The following SCP2 variants were observed in gnomAD, a reference collection of about 807,000 sequenced individuals.
The protein encoded by SCP2 is SCP-2/3-oxoacyl-CoA thiolase.
A neutral mutation model predicts 71.4 loss-of-function variants in SCP2; 48 were observed. That is an observed-to-expected ratio of 0.67 (90% CI 0.53 to 0.86). The LOEUF (loss-of-function observed/expected upper bound fraction) is 0.86, where lower values mean the gene tolerates loss of function less well. Ranked by LOEUF, SCP2 falls within the 40% of genes least tolerant of loss-of-function variation. The probability of loss-of-function intolerance (pLI) is 0.00; values close to 1 mark genes in which losing one functional copy is unlikely to be tolerated. For missense variants in SCP2, 560 were observed against 655.6 expected, an observed-to-expected ratio of 0.85 and a Z score of 1.59; for synonymous variants, 220 against 218.1, an observed-to-expected ratio of 1.01 and a Z score of -0.08.
intron 1 of SCP2, among the ~76,000 whole-genome samples, chr1:52,934,535 A>T (rs60861452): frequency 0.017 from 2,585 of 147,802 alleles, 80 homozygotes; most frequent in African/African-American, 0.06. Flanking sequence ...ATATTTTATT[A>T]TAACAGAGTA....
At chr1:53,037,917 CACACA>C (rs1266501701) in intron 13 of SCP2, among the ~76,000 whole-genome samples, 10 of 117,274 alleles carry the variant, frequency 8.5e-5, no homozygotes, top group South Asian at 6.0e-4. Context: ...CACACACACA[CACACA>C]CACACACAGA....
intron 1 of SCP2, among the ~76,000 whole-genome samples, chr1:52,937,740 C>G (rs1653864383): frequency 6.6e-6 from 1 of 152,188 alleles, no homozygotes; most frequent in South Asian, 2.1e-4. Flanking sequence ...AATACTGATG[C>G]CAGCAAGCCC....
At position 53,050,823 on chromosome 1, in the gene SCP2, G is replaced by A. The variant is rs1572244887; in HGVS notation, c.*119G>A. ...TTGGCAAATAGCGTGGGATAGATTT[G>A]TTTCTTAATGGGTGTGACCAATCCT... On this transcript the variant is annotated 3_prime_UTR_variant, in exon 16 of 16. Coordinates refer to ENST00000371514, the MANE Select transcript of SCP2 (RefSeq NM_002979.5). 7.8e-6 allele frequency: 6 copies of A among 767,982 alleles called. No homozygotes were observed. Among genetic ancestry groups the A allele is most frequent in the East Asian group, 5.1e-5 (2 of 38,918 alleles). The allele number at this position is 767,982 out of a possible 1,614,324, so 47.6% of individuals were successfully genotyped here.
intron 5 of SCP2, among the ~76,000 whole-genome samples, chr1:52,960,944 G>A (rs1656372114): frequency 6.6e-6 from 1 of 151,386 alleles, no homozygotes; most frequent in African/African-American, 2.4e-5. Context: ...GTAGAGATAG[G>A]GTTCACCATG....
At chr1:52,997,178 A>C (rs546080118) in intron 11 of SCP2, among the ~76,000 whole-genome samples, 2 of 152,184 alleles carry the variant, frequency 1.3e-5, no homozygotes, top group East Asian at 3.9e-4. Flanking sequence ...TTATTTTTTT[A>C]GATTTTTTTC....
At chr1:52,955,033 T>C (rs1324636699) in intron 5 of SCP2, among the ~76,000 whole-genome samples, 1 of 151,938 alleles carries the variant, frequency 6.6e-6, no homozygotes, top group Non-Finnish European at 1.5e-5. Context: ...ATTCATTTAT[T>C]CATTTTTTTG....
intron 11 of SCP2, chr1:52,993,193 A>G (rs1572155962): frequency 6.2e-7 from 1 of 1,613,812 alleles, no homozygotes; most frequent in African/African-American, 1.3e-5. Flanking sequence ...AACTGAAGGG[A>G]TTCTAGAAAA....
At chr1:52,928,230 G>A (rs1406701284) in intron 1 of SCP2, among the ~76,000 whole-genome samples, 1 of 152,202 alleles carries the variant, frequency 6.6e-6, no homozygotes, top group Non-Finnish European at 1.5e-5. Context: ...GGCAGTACCG[G>A]GCAGTACTAA....
Position 53,008,704 on chromosome 1 carries a change from C to T in SCP2, c.1082-6186C>T, listed in dbSNP as rs555199550. Among the ~76,000 whole-genome samples, 67 of 152,318 alleles carry T rather than the reference C, an allele frequency of 4.4e-4. No homozygotes were observed. In the East Asian group the frequency reaches 0.011, roughly 26 times the overall value. ...AATGGGCCAAAACTGGAAGCATTCC[C>T]TTTGCAAACTGGCACAAGACAGGAA... On this transcript the variant is annotated intron_variant, in intron 11 of 15. Coordinates refer to ENST00000371514, the MANE Select transcript of SCP2 (RefSeq NM_002979.5).
At chr1:52,934,532 A>G (rs1158645272) in intron 1 of SCP2, among the ~76,000 whole-genome samples, 2 of 138,450 alleles carry the variant, frequency 1.4e-5, no homozygotes, top group African/African-American at 2.7e-5. Context: ...ACAATATTTT[A>G]TTATAACAGA....
At chr1:53,037,881 C>T (rs1663077458) in intron 13 of SCP2, among the ~76,000 whole-genome samples, 2 of 43,068 alleles carry the variant, frequency 4.6e-5, no homozygotes, top group South Asian at 1.7e-3. Context: ...TCTCTACATA[C>T]ACACACACAC....
At chr1:53,039,097 C>T in intron 14 of SCP2, 51 bp downstream of exon 14, 6 of 1,609,556 alleles carry the variant, frequency 3.7e-6, no homozygotes, top group Non-Finnish European at 5.1e-6. Flanking sequence ...TTTACGAAGG[C>T]TGTCAGCTGG....
At chr1:53,042,141 G>A (rs1663480305) in intron 14 of SCP2, among the ~76,000 whole-genome samples, 1 of 151,934 alleles carries the variant, frequency 6.6e-6, no homozygotes, top group South Asian at 2.1e-4. Context: ...AAATGAATGG[G>A]AAAAAAATGG....
intron 6 of SCP2, among the ~76,000 whole-genome samples, chr1:52,965,467 G>A (rs1349993653): frequency 1.3e-5 from 2 of 152,074 alleles, no homozygotes; most frequent in African/African-American, 4.8e-5. Context: ...TGTCTTTCAG[G>A]AGTGTTTTAA....
chr1:52,974,702 T>C (rs1050970902), intron 6 of SCP2, 67 bp from the exon 7 acceptor site: 87 of 819,698 alleles, frequency 1.1e-4, no homozygotes, highest in Non-Finnish European at 1.7e-4. Flanking sequence ...CTGAGTACCA[T>C]TGCAAGATTT....
chr1:52,978,370 A>G lies in SCP2; in HGVS notation c.825+3A>G, dbSNP rs2150170273. ...AAGAAAAAAGCATTATTAAAATGGT[A>G]TGTCTGAGATTCTATTTGTTATTTT... On this transcript the variant is annotated splice_donor_region_variant and intron_variant, in intron 9 of 15. Transcript: ENST00000371514. 3 of 1,609,434 alleles carry G rather than the reference A, an allele frequency of 1.9e-6. No homozygotes were observed. Among genetic ancestry groups the G allele is most frequent in the Non-Finnish European group, 2.6e-6 (3 of 1,175,790 alleles).
intron 11 of SCP2, among the ~76,000 whole-genome samples, chr1:52,997,474 A>G (rs1572163701): frequency 6.6e-6 from 1 of 152,342 alleles, no homozygotes; most frequent in East Asian, 1.9e-4. Flanking sequence ...TATTTATACT[A>G]TGGAATATTT....
chr1:53,035,121 A>AAG (rs1662837392), intron 13 of SCP2, among the ~76,000 whole-genome samples: 1 of 152,012 alleles, frequency 6.6e-6, no homozygotes, highest in Admixed American at 6.6e-5. Context: ...AAAAAAAAAA[A>AAG]ATTAATATGA....
chr1:52,993,916 CCTATA>C (rs1659734450), intron 11 of SCP2: 2 of 1,397,940 alleles, frequency 1.4e-6, no homozygotes, highest in African/African-American at 2.9e-5. Flanking sequence ...AATCTTCAGC[CCTATA>C]CTAGCTTTTA....
Sources: gnomAD v4.1 joint callset for allele counts (sites outside exome capture counted in the v4.1 genomes callset) on GRCh38, gnomAD v4.1.1 for gene constraint, MANE v1.5 for transcripts, NCBI Gene and HGNC (gene_info 2026-07-23, HGNC 2026-07-21) for gene names.